TRAPPC9: variants seen among roughly 807,000 people sequenced by gnomAD.
The protein encoded by TRAPPC9 is trafficking protein particle complex subunit 9, also known as IKK2 binding protein.
Under a neutral mutation model 124.0 loss-of-function variants are expected in TRAPPC9, and 83 were observed. The ratio of observed to expected loss-of-function variants is 0.67; its 90% CI spans 0.56 to 0.80. The LOEUF is 0.80. Ranked by LOEUF, TRAPPC9 falls within the 30% of genes least tolerant of loss-of-function variation. The probability of loss-of-function intolerance (pLI) is 0.00; values close to 1 mark genes in which losing one functional copy is unlikely to be tolerated. For synonymous variants in TRAPPC9, 638 were observed against 617.5 expected, an observed-to-expected ratio of 1.03 and a Z score of -0.49; for missense variants, 1,302 against 1,508.3, an observed-to-expected ratio of 0.86 and a Z score of 2.27.
chr8:140,389,457 G>A (rs1173198893), intron 7 of TRAPPC9, among the ~76,000 whole-genome samples: 3 of 152,202 alleles, frequency 2.0e-5, no homozygotes, highest in Non-Finnish European at 2.9e-5. Context: ...CTGCCGTCAC[G>A]GCCACTCAGG....
At chr8:140,028,723 A>G (rs1030327328) in intron 17 of TRAPPC9, among the ~76,000 whole-genome samples, 4 of 152,224 alleles carry the variant, frequency 2.6e-5, no homozygotes, top group Non-Finnish European at 4.4e-5. Flanking sequence ...CGAGTCTGGT[A>G]AAAGAAACAA....
At chr8:140,441,260 T>G (rs935286042) in intron 2 of TRAPPC9, among the ~76,000 whole-genome samples, 1 of 151,816 alleles carries the variant, frequency 6.6e-6, no homozygotes, top group African/African-American at 2.4e-5. Flanking sequence ...GGATTACAGT[T>G]CTTTGCCCAG....
At chr8:140,451,455 T>C in intron 1 of TRAPPC9, 72 bp from the exon 2 acceptor site, 1 of 1,326,492 alleles carries the variant, frequency 7.5e-7, no homozygotes, top group Non-Finnish European at 1.1e-6. Context: ...TGGGAGGCAG[T>C]GACTGTGACC....
chr8:139,896,099 A>C (rs560231253), intron 20 of TRAPPC9, among the ~76,000 whole-genome samples: 3 of 152,332 alleles, frequency 2.0e-5, no homozygotes, highest in South Asian at 4.1e-4. Flanking sequence ...AAGCTAATAA[A>C]GCTAATTACC....
At chr8:139,966,127 TGA>T (rs1439735403) in intron 19 of TRAPPC9, among the ~76,000 whole-genome samples, 2 of 152,186 alleles carry the variant, frequency 1.3e-5, no homozygotes, top group Non-Finnish European at 2.9e-5. Flanking sequence ...AGTCACAGTA[TGA>T]GAGGTGGGGG....
chr8:140,397,770 C>T, intron 6 of TRAPPC9, 25 bp from the exon 7 acceptor site: 1 of 1,613,366 alleles, frequency 6.2e-7, no homozygotes. Flanking sequence ...GGAAATGCCT[C>T]AGTCAAAAAA....
intron 19 of TRAPPC9, among the ~76,000 whole-genome samples, chr8:139,965,108 T>C (rs1835614749): frequency 7.9e-6 from 1 of 127,108 alleles, no homozygotes; most frequent in Admixed American, 8.2e-5. Flanking sequence ...GCAGGGGGTC[T>C]CTGGGGGACA....
intron 19 of TRAPPC9, chr8:139,932,152 G>A: frequency 2.7e-6 from 1 of 370,794 alleles, no homozygotes; most frequent in Non-Finnish European, 5.4e-6. Context: ...GGGCTTTGGT[G>A]CTCAGAAGCA....
chr8:140,013,922 G>A (rs952569227), intron 18 of TRAPPC9, among the ~76,000 whole-genome samples: 10 of 152,316 alleles, frequency 6.6e-5, no homozygotes, highest in Admixed American at 5.9e-4. Context: ...ATGAGCAGGA[G>A]AATCAACACT....
chr8:140,192,720 A>G (rs1210264595), intron 17 of TRAPPC9, among the ~76,000 whole-genome samples: 1 of 152,376 alleles, frequency 6.6e-6, no homozygotes, highest in Middle Eastern at 3.4e-3. Context: ...TATAAAAACT[A>G]CTAGCCACTA....
intron 17 of TRAPPC9, among the ~76,000 whole-genome samples, chr8:140,208,519 G>A (rs1014634639): frequency 6.6e-6 from 1 of 152,206 alleles, no homozygotes; most frequent in Non-Finnish European, 1.5e-5. Context: ...TGCTGATTCT[G>A]GTTAACGCAG....
chr8:139,830,730 C>T (rs1825936278), intron 21 of TRAPPC9, among the ~76,000 whole-genome samples: 1 of 152,200 alleles, frequency 6.6e-6, no homozygotes. Context: ...CACACAGACA[C>T]ACACCTCTAG....
At chr8:139,751,631 G>A (rs1163318338) in intron 21 of TRAPPC9, among the ~76,000 whole-genome samples, 2 of 151,982 alleles carry the variant, frequency 1.3e-5, no homozygotes, top group Admixed American at 1.3e-4. Flanking sequence ...ACAAAGACCT[G>A]GACACAACCT....
chr8:140,030,672 A>C (rs77641387), intron 17 of TRAPPC9, among the ~76,000 whole-genome samples: 3,000 of 152,348 alleles, frequency 0.02, 80 homozygotes, highest in African/African-American at 0.068. Flanking sequence ...AATACTACTC[A>C]GCTAAAGAAT....
chr8:140,218,652 G>A (rs1471178941), intron 17 of TRAPPC9, among the ~76,000 whole-genome samples: 1 of 151,922 alleles, frequency 6.6e-6, no homozygotes, highest in African/African-American at 2.4e-5. Flanking sequence ...ACATGTCCAG[G>A]GGTGTTGTCA....
At chr8:140,272,416 GGTGATGGTGGTGATGGTA>G (rs1323457743) in intron 15 of TRAPPC9, among the ~76,000 whole-genome samples, 11 of 148,768 alleles carry the variant, frequency 7.4e-5, no homozygotes, top group African/African-American at 2.6e-4. Flanking sequence ...TAATGGTGAT[GGTGATGGTGGTGATGGTA>G]GTGATGGTGG....
intron 7 of TRAPPC9, among the ~76,000 whole-genome samples, chr8:140,380,154 G>A (rs866813749): frequency 2.6e-5 from 4 of 152,140 alleles, no homozygotes; most frequent in African/African-American, 4.8e-5. Flanking sequence ...CAAAAAGAAC[G>A]AAGTTGGAGG....
chr8:140,377,152 C>T (rs755597885), intron 7 of TRAPPC9, among the ~76,000 whole-genome samples: 5 of 152,220 alleles, frequency 3.3e-5, no homozygotes, highest in Non-Finnish European at 5.9e-5. Context: ...AAACCCACTC[C>T]TTTGGCTTCA....
chr8:139,738,616 C>T (rs1450432736), intron 21 of TRAPPC9, among the ~76,000 whole-genome samples: 3 of 152,316 alleles, frequency 2.0e-5, no homozygotes, highest in South Asian at 2.1e-4. Flanking sequence ...GAAGGTAGCC[C>T]GCAACACCGA....
Sources: gnomAD v4.1 joint callset for allele counts (sites outside exome capture counted in the v4.1 genomes callset) on GRCh38, gnomAD v4.1.1 for gene constraint, MANE v1.5 for transcripts, NCBI Gene and HGNC (gene_info 2026-07-23, HGNC 2026-07-21) for gene names.